Variants in SMS observed in about 807,000 individuals in gnomAD.
SMS encodes spermine synthase.
SMS carries 3 observed loss-of-function variants against 33.0 expected under a neutral mutation model. The ratio of observed to expected loss-of-function variants is 0.09; its 90% CI spans 0.04 to 0.23. SMS has a LOEUF of 0.23. SMS is among the 10% of genes least tolerant of loss of function. The probability of loss-of-function intolerance (pLI) is 1.00; values close to 1 mark genes in which losing one functional copy is unlikely to be tolerated. For synonymous variants in SMS, 103 were observed against 112.2 expected, an observed-to-expected ratio of 0.92 and a Z score of 0.52; for missense variants, 117 against 288.6, an observed-to-expected ratio of 0.41 and a Z score of 4.31.
rs200063268 is a variant in SMS at position 21,994,350 on chromosome X, G to T, written c.1100G>T (p.Ter367LeuextTer12). Reference protein sequence around the residue: ...FYTVWKKAKP* With the variant: ...FYTVWKKAKPL ...ACTGTTTGGAAGAAAGCTAAACCCT[G>T]AAGATCAGTAGCCCCTAATCACATG... The change falls in exon 11 of 11, where the codon TGA (stop) becomes TTA (leucine). Residue 367 changes from the stop codon to leucine (L), a stop_lost. Transcript: ENST00000404933. 8.3e-7 allele frequency: 1 copy of T among 1,206,425 alleles called. No individual in the cohort carries two copies. The highest frequency in any genetic ancestry group is 1.1e-6 in the Non-Finnish European group (1 of 892,129).
intron 1 of SMS, among the ~76,000 whole-genome samples, chrX:21,944,779 A>G (rs1207897385): frequency 1.8e-5 from 2 of 110,632 alleles, no homozygotes; most frequent in African/African-American, 6.6e-5. Flanking sequence ...GGAGTTTGAG[A>G]TCAGCCTGGC....
intron 6 of SMS, among the ~76,000 whole-genome samples, chrX:21,978,624 T>C (rs1334289251): frequency 8.9e-6 from 1 of 112,017 alleles, no homozygotes; most frequent in Non-Finnish European, 1.9e-5. Context: ...CAAAGGACTT[T>C]GATACTGTGT....
chrX:21,941,910 A>AC (rs1921830482), intron 1 of SMS, among the ~76,000 whole-genome samples: 1 of 94,877 alleles, frequency 1.1e-5, no homozygotes, highest in Non-Finnish European at 2.1e-5. Context: ...AAAAAAAAAA[A>AC]AAAAAAAAAA....
At chrX:21,942,387 C>T (rs1921875314) in intron 1 of SMS, among the ~76,000 whole-genome samples, 1 of 110,195 alleles carries the variant, frequency 9.1e-6, no homozygotes. Flanking sequence ...TTATGTTAAC[C>T]TTTCTGAGCC....
intron 7 of SMS, among the ~76,000 whole-genome samples, chrX:21,982,336 C>CAAA (rs11430711): frequency 2.4e-4 from 11 of 46,084 alleles, no homozygotes; most frequent in African/African-American, 8.5e-4. Flanking sequence ...AGACTTGTCT[C>CAAA]AAAAAAAAAA....
Position 21,945,472 on chromosome X carries a change from C to T in SMS, c.49+4599C>T, listed in dbSNP as rs147844103. Among the ~76,000 whole-genome samples, 7 of 111,506 alleles carry T rather than the reference C, an allele frequency of 6.3e-5. 1 individual carries two copies. The highest frequency in any genetic ancestry group is 9.8e-5 in the African/African-American group (3 of 30,596). On this transcript the variant is annotated intron_variant, in intron 1 of 10. Transcript: ENST00000404933. ...GGCTACTTGGGAATTACGGGCTTAG[C>T]GGAGAAGGTTTGGGGCAGGGGGTTC...
intron 1 of SMS, among the ~76,000 whole-genome samples, chrX:21,946,754 G>A (rs762866033): frequency 8.9e-6 from 1 of 111,968 alleles, no homozygotes; most frequent in South Asian, 3.7e-4. Context: ...GGCATTGACA[G>A]CCCAAAATGT....
At chrX:21,966,690 C>T (rs928377061) in intron 1 of SMS, among the ~76,000 whole-genome samples, 1 of 111,855 alleles carries the variant, frequency 8.9e-6, no homozygotes, top group African/African-American at 3.3e-5. Context: ...AGCAGCACAT[C>T]CTTTTTGTAA....
chrX:21,959,337 G>T (rs1923181515), intron 1 of SMS, among the ~76,000 whole-genome samples: 1 of 111,800 alleles, frequency 8.9e-6, no homozygotes, highest in Non-Finnish European at 1.9e-5. Context: ...CTGTAATCTG[G>T]ACCTGCTGCC....
chrX:21,961,228 A>G (rs1250369071), intron 1 of SMS, among the ~76,000 whole-genome samples: 1 of 108,938 alleles, frequency 9.2e-6, no homozygotes, highest in Non-Finnish European at 1.9e-5. Context: ...TGGGTTCTAT[A>G]TAGGAACCCT....
chrX:21,977,331 T>A (rs1256628176), intron 5 of SMS, 95 bp downstream of exon 5: 4 of 838,222 alleles, frequency 4.8e-6, no homozygotes, highest in African/African-American at 2.0e-5. Context: ...TGGATTTGTT[T>A]GAGTTTGTTT....
intron 1 of SMS, among the ~76,000 whole-genome samples, chrX:21,952,905 G>A (rs1922714819): frequency 9.5e-6 from 1 of 105,687 alleles, no homozygotes. Context: ...ACTACAACAG[G>A]TACGCACCAT....
chrX:21,985,976 G>A (rs1388550080), intron 9 of SMS, among the ~76,000 whole-genome samples: 1 of 110,895 alleles, frequency 9.0e-6, no homozygotes, highest in Non-Finnish European at 1.9e-5. Flanking sequence ...AGCTGTGATC[G>A]TGCCACTGCC....
At chrX:21,971,231 ACAGAAGTTT>A (rs1185938678) in intron 2 of SMS, among the ~76,000 whole-genome samples, 1 of 111,078 alleles carries the variant, frequency 9.0e-6, no homozygotes, top group African/African-American at 3.3e-5. Context: ...TATAACTAAA[ACAGAAGTTT>A]CATCAAATAC....
At chrX:21,947,731 A>G (rs1041020869) in intron 1 of SMS, among the ~76,000 whole-genome samples, 1 of 111,248 alleles carries the variant, frequency 9.0e-6, no homozygotes, top group Admixed American at 9.5e-5. Flanking sequence ...GGTCCCTATT[A>G]CCCCATGGAT....
At chrX:21,989,740 TTTG>T (rs377453488) in intron 9 of SMS, among the ~76,000 whole-genome samples, 6 of 111,190 alleles carry the variant, frequency 5.4e-5, no homozygotes, top group South Asian at 7.6e-4. Flanking sequence ...TAAACTTTTT[TTTG>T]TTGTTGTTGT....
At chrX:21,984,162 T>A in intron 7 of SMS, 142 bp from the exon 8 acceptor site, 1 of 508,152 alleles carries the variant, frequency 2.0e-6, no homozygotes, top group Non-Finnish European at 3.5e-6. Flanking sequence ...ATGAAAGTTT[T>A]TTGGTTCCTG....
At chrX:21,992,750 G>A in intron 10 of SMS, 38 bp downstream of exon 10, 2 of 821,700 alleles carry the variant, frequency 2.4e-6, no homozygotes, top group Non-Finnish European at 3.7e-6. Flanking sequence ...CCAGATCAAA[G>A]CACCCAAGTA....
At chrX:21,986,747 A>G (rs1925364016) in intron 9 of SMS, among the ~76,000 whole-genome samples, 1 of 112,409 alleles carries the variant, frequency 8.9e-6, no homozygotes. Context: ...ATTGGGCCAA[A>G]TCTGGCCTCC....
Sources: gnomAD v4.1 joint callset for allele counts (sites outside exome capture counted in the v4.1 genomes callset) on GRCh38, gnomAD v4.1.1 for gene constraint, MANE v1.5 for transcripts, NCBI Gene and HGNC (gene_info 2026-07-23, HGNC 2026-07-21) for gene names.